ULK4: variants seen among roughly 807,000 people sequenced by gnomAD.
The protein encoded by ULK4 is inactive serine/threonine-protein kinase ULK4.
Under a neutral mutation model 160.6 loss-of-function variants are expected in ULK4, and 133 were observed. The observed-to-expected ratio is 0.83, with a 90% confidence interval of 0.72 to 0.96. The LOEUF is 0.96. Ranked by LOEUF, ULK4 falls within the 40% of genes least tolerant of loss-of-function variation. The pLI, the probability that ULK4 is intolerant of heterozygous loss-of-function variation, is 0.00. For missense variants in ULK4, 1,580 were observed against 1,499.5 expected (o/e 1.05, Z -0.89); for synonymous variants, 534 against 539.8 (o/e 0.99, Z 0.15).
At chr3:41,571,313 A>G (rs2087964975) in intron 31 of ULK4, among the ~76,000 whole-genome samples, 1 of 152,220 alleles carries the variant, frequency 6.6e-6, no homozygotes, top group Non-Finnish European at 1.5e-5. Context: ...TCTGGCCTAG[A>G]GCATCATTTC....
intron 30 of ULK4, among the ~76,000 whole-genome samples, chr3:41,661,510 T>TAGATAGATA (rs11422963): frequency 0.011 from 1,253 of 119,250 alleles, 17 homozygotes; most frequent in African/African-American, 0.064. Context: ...GATAGATAGA[T>TAGATAGATA]GATAGATAGA....
chr3:41,379,978 A>G (rs998270122), intron 35 of ULK4, among the ~76,000 whole-genome samples: 5 of 152,198 alleles, frequency 3.3e-5, no homozygotes, highest in African/African-American at 1.2e-4. Flanking sequence ...GAACAAGTGC[A>G]CTGAGAAATT....
At chr3:41,492,933 C>A (rs1453853733) in intron 32 of ULK4, among the ~76,000 whole-genome samples, 1 of 144,610 alleles carries the variant, frequency 6.9e-6, no homozygotes, top group Non-Finnish European at 1.5e-5. Flanking sequence ...TAAAGCAAGT[C>A]CTGAGTGAAC....
At chr3:41,710,328 G>A (rs1042962706) in intron 25 of ULK4, among the ~76,000 whole-genome samples, 4 of 152,012 alleles carry the variant, frequency 2.6e-5, no homozygotes, top group South Asian at 2.1e-4. Flanking sequence ...GAGTGAGGAC[G>A]GGGTAGTAGG....
intron 34 of ULK4, among the ~76,000 whole-genome samples, chr3:41,445,585 C>A (rs1490422830): frequency 8.5e-5 from 13 of 152,212 alleles, no homozygotes; most frequent in Non-Finnish European, 1.9e-4. Context: ...CTACAACCAT[C>A]TGATCTTTGA....
chr3:41,915,118 T>G lies in ULK4; in HGVS notation c.803+859A>C, dbSNP rs11714795. Among the ~76,000 whole-genome samples, 753 of 149,850 alleles carry G rather than the reference T, an allele frequency of 5.0e-3. 5 individuals carry two copies. Among genetic ancestry groups the G allele is most frequent in the Non-Finnish European group, 8.7e-3 (594 of 68,022 alleles). On this transcript the variant is annotated intron_variant, in intron 8 of 36. Transcript: ENST00000301831. Reference sequence around the variant, plus strand: ...ATACAGTTATAAATGTAGGGATATGTGGATACACCGTCTTAAGTAAATTAG... The same window carrying G: ...ATACAGTTATAAATGTAGGGATATGGGGATACACCGTCTTAAGTAAATTAG...
chr3:41,934,108 A>C (rs556440507), intron 4 of ULK4, among the ~76,000 whole-genome samples: 17 of 152,288 alleles, frequency 1.1e-4, no homozygotes, highest in African/African-American at 4.1e-4. Context: ...CTGAGAAACA[A>C]ATCAAAATAA....
rs1296253336 is a variant in ULK4, at chr3:41,360,287, A to AG, written c.3678+37791dup. ...AACAACAATGCTGGTGAGGTTGTGG[A>AG]GAAAAAGGAATGCTTTTATACCGTT... On this transcript the variant is annotated intron_variant, in intron 35 of 36. Coordinates refer to ENST00000301831, the MANE Select transcript of ULK4 (RefSeq NM_017886.4). 3.9e-5 allele frequency among the ~76,000 whole-genome samples: 6 copies of AG among 152,342 alleles called. No individual in the cohort carries two copies. The East Asian group carries it at 1.2e-3, about 29-fold the overall frequency.
intron 27 of ULK4, among the ~76,000 whole-genome samples, chr3:41,698,453 G>A (rs1406359763): frequency 6.6e-6 from 1 of 152,010 alleles, no homozygotes; most frequent in African/African-American, 2.4e-5. Context: ...CCAACATGAC[G>A]CTCAGAGGCA....
intron 33 of ULK4, among the ~76,000 whole-genome samples, chr3:41,456,771 A>G (rs939418859): frequency 6.6e-6 from 1 of 152,214 alleles, no homozygotes; most frequent in African/African-American, 2.4e-5. Context: ...GAGCTAACAG[A>G]GCAGGCCACA....
intron 30 of ULK4, among the ~76,000 whole-genome samples, chr3:41,623,719 G>C (rs1371837987): frequency 2.0e-5 from 3 of 152,160 alleles, no homozygotes; most frequent in Non-Finnish European, 4.4e-5. Flanking sequence ...ACAAGAAAAG[G>C]AAAGATATAA....
At chr3:41,830,905 G>A (rs535217353) in intron 18 of ULK4, among the ~76,000 whole-genome samples, 101 of 152,076 alleles carry the variant, frequency 6.6e-4, no homozygotes, top group African/African-American at 2.4e-3. Context: ...TAGTGGTAAA[G>A]TAGAAATAAA....
At chr3:41,399,565 T>A (rs2082133335) in intron 34 of ULK4, among the ~76,000 whole-genome samples, 1 of 152,080 alleles carries the variant, frequency 6.6e-6, no homozygotes, top group African/African-American at 2.4e-5. Flanking sequence ...TATCTAAGAA[T>A]GTTTTATTTT....
chr3:41,706,389 T>C (rs952296817), intron 25 of ULK4, among the ~76,000 whole-genome samples: 1 of 145,598 alleles, frequency 6.9e-6, no homozygotes, highest in African/African-American at 2.5e-5. Flanking sequence ...TATATATTTA[T>C]ATATATTAAA....
chr3:41,417,165 C>A (rs1293176018), intron 34 of ULK4, among the ~76,000 whole-genome samples: 1 of 152,180 alleles, frequency 6.6e-6, no homozygotes, highest in Non-Finnish European at 1.5e-5. Flanking sequence ...GTGAAGCATT[C>A]TGTTCTGCAC....
intron 30 of ULK4, among the ~76,000 whole-genome samples, chr3:41,635,542 A>G (rs2033920111): frequency 6.6e-6 from 1 of 152,182 alleles, no homozygotes; most frequent in Non-Finnish European, 1.5e-5. Context: ...ATGAATTTTG[A>G]TATGTTACTT....
intron 35 of ULK4, among the ~76,000 whole-genome samples, chr3:41,316,817 T>C (rs1330116095): frequency 6.6e-6 from 1 of 152,226 alleles, no homozygotes; most frequent in African/African-American, 2.4e-5. Flanking sequence ...GCGCCTTTTT[T>C]AGTTGGTTCA....
intron 35 of ULK4, among the ~76,000 whole-genome samples, chr3:41,395,788 T>C (rs1354097893): frequency 6.6e-6 from 1 of 152,184 alleles, no homozygotes; most frequent in Non-Finnish European, 1.5e-5. Flanking sequence ...TTATGCTATA[T>C]ACATTTTACC....
At chr3:41,645,603 T>C (rs1345977773) in intron 30 of ULK4, among the ~76,000 whole-genome samples, 2 of 152,162 alleles carry the variant, frequency 1.3e-5, no homozygotes, top group Non-Finnish European at 2.9e-5. Context: ...AGGAGAGCTT[T>C]ACTTCCAAGT....
Sources: gnomAD v4.1 joint callset for allele counts (sites outside exome capture counted in the v4.1 genomes callset) on GRCh38, gnomAD v4.1.1 for gene constraint, MANE v1.5 for transcripts, NCBI Gene and HGNC (gene_info 2026-07-23, HGNC 2026-07-21) for gene names.